Variants in ALG6 observed in about 807,000 individuals in gnomAD.
ALG6 encodes the protein dolichyl pyrophosphate Man9GlcNAc2 alpha-1,3-glucosyltransferase.
In ALG6, 46 loss-of-function variants were observed where a neutral mutation model predicts 66.6. The observed-to-expected ratio is 0.69, with a 90% CI of 0.55 to 0.88. The LOEUF (loss-of-function observed/expected upper bound fraction) is 0.88, where lower values mean the gene tolerates loss of function less well. Among genes scored for constraint, ALG6 ranks in the 40% least tolerant of loss-of-function variants. ALG6 has a pLI of 0.00. For synonymous variants in ALG6, 185 were observed against 203.7 expected (o/e 0.91, Z 0.78); for missense variants, 505 against 586.8 (o/e 0.86, Z 1.44).
At chr1:63,390,842 CTCTTCAT>C (rs1168677118) in intron 2 of ALG6, among the ~76,000 whole-genome samples, 4 of 152,232 alleles carry the variant, frequency 2.6e-5, no homozygotes, top group Non-Finnish European at 5.9e-5. Context: ...CACAGATTCT[CTCTTCAT>C]GCCATGCAGC....
At position 63,400,194 on chromosome 1, in the gene ALG6, CA is replaced by C. The variant is rs71577211; in HGVS notation, c.168-2047del. ...GGGCAACAAGAGCAAAACTCTGTCT[CA>C]AAAAAAAAAAAATATATATATATAT... On this transcript the variant is annotated intron_variant, in intron 3 of 14. Coordinates refer to ENST00000263440, the MANE Select transcript of ALG6 (RefSeq NM_013339.4). Among the ~76,000 whole-genome samples the C allele has an allele frequency of 9.2e-4, 18 of 19,516 alleles. 3 individuals carry two copies. The highest frequency in any genetic ancestry group is 2.2e-3 in the African/African-American group (6 of 2,694). 12.8% of individuals were successfully genotyped at this position (19,516 alleles called of 152,430 possible). A position where few individuals can be genotyped will look rare whatever the true frequency, so the allele number is the denominator to read the frequency against.
At chr1:63,381,533 A>C (rs1557580936) in intron 2 of ALG6, among the ~76,000 whole-genome samples, 1 of 152,052 alleles carries the variant, frequency 6.6e-6, no homozygotes, top group Non-Finnish European at 1.5e-5. Context: ...AGTCCCAGCT[A>C]CTGATAGTGG....
intron 2 of ALG6, among the ~76,000 whole-genome samples, chr1:63,380,399 A>G (rs1648265844): frequency 1.3e-5 from 2 of 152,210 alleles, no homozygotes; most frequent in South Asian, 4.1e-4. Context: ...AGAAGGGCTG[A>G]GGAAAGGTCC....
At chr1:63,397,449 T>C (rs1260049795) in intron 3 of ALG6, among the ~76,000 whole-genome samples, 1 of 152,100 alleles carries the variant, frequency 6.6e-6, no homozygotes, top group East Asian at 1.9e-4. Flanking sequence ...CCTCCCAAAG[T>C]GCTGGGATTA....
intron 11 of ALG6, among the ~76,000 whole-genome samples, chr1:63,418,484 G>A (rs1164544574): frequency 6.6e-6 from 1 of 152,086 alleles, no homozygotes; most frequent in African/African-American, 2.4e-5. Context: ...TGAAGTGGCT[G>A]CTGTAAAATG....
At chr1:63,391,400 A>AT (rs1648670316) in intron 2 of ALG6, among the ~76,000 whole-genome samples, 2 of 152,336 alleles carry the variant, frequency 1.3e-5, no homozygotes, top group South Asian at 4.1e-4. Context: ...GTATGAGTCA[A>AT]GAGTAGTAAA....
At chr1:63,400,347 A>T (rs1249130119) in intron 3 of ALG6, among the ~76,000 whole-genome samples, 2 of 112,344 alleles carry the variant, frequency 1.8e-5, no homozygotes, top group Non-Finnish European at 3.4e-5. Context: ...GTATATATAT[A>T]TGTATATATA....
intron 2 of ALG6, among the ~76,000 whole-genome samples, chr1:63,381,669 G>T (rs111626582): frequency 3.5e-5 from 2 of 57,334 alleles, no homozygotes; most frequent in South Asian, 6.8e-4. Context: ...AAGGAAGGGA[G>T]GGGAGGGGAG....
At chr1:63,431,115 G>C (rs571875523) in intron 14 of ALG6, among the ~76,000 whole-genome samples, 10 of 152,168 alleles carry the variant, frequency 6.6e-5, no homozygotes, top group African/African-American at 2.4e-4. Context: ...AATTGTCTTG[G>C]CACTCTTGTT....
At chr1:63,409,903 C>G (rs1644507928) in intron 7 of ALG6, among the ~76,000 whole-genome samples, 1 of 152,122 alleles carries the variant, frequency 6.6e-6, no homozygotes, top group Non-Finnish European at 1.5e-5. Context: ...TTCATTTCTT[C>G]AGAAAAATAT....
At chr1:63,401,997 A>G (rs1319980617) in intron 3 of ALG6, among the ~76,000 whole-genome samples, 1 of 152,014 alleles carries the variant, frequency 6.6e-6, no homozygotes, top group Non-Finnish European at 1.5e-5. Context: ...AAACAATCCT[A>G]TTCTTTTTGT....
Position 63,370,879 on chromosome 1 carries a change from T to C in ALG6, c.-99T>C. The C allele has an allele frequency of 1.2e-6, 1 of 806,674 alleles. No individual in the cohort carries two copies. 50.0% of individuals were successfully genotyped at this position (806,674 alleles called of 1,614,324 possible). On this transcript the variant is annotated 5_prime_UTR_variant, in exon 2 of 15. Transcript: ENST00000263440. ...GAATCGATAACATTTCAAGAAGTGA[T>C]AACATTTCTCTGAACAAGAAAAGAA...
chr1:63,434,621 T>A (rs915045288), intron 14 of ALG6, among the ~76,000 whole-genome samples: 10 of 152,320 alleles, frequency 6.6e-5, no homozygotes, highest in South Asian at 6.2e-4. Flanking sequence ...GCGATATTTT[T>A]AAAAACTCAT....
intron 2 of ALG6, among the ~76,000 whole-genome samples, chr1:63,372,294 A>C (rs1472346998): frequency 6.6e-6 from 1 of 152,180 alleles, no homozygotes; most frequent in Non-Finnish European, 1.5e-5. Flanking sequence ...GTCATAGGAA[A>C]AAGAGATAGG....
At chr1:63,434,070 A>G (rs1248175985) in intron 14 of ALG6, among the ~76,000 whole-genome samples, 3 of 152,186 alleles carry the variant, frequency 2.0e-5, no homozygotes, top group East Asian at 1.9e-4. Context: ...AAGAAATAAT[A>G]GGACCTAAGA....
At chr1:63,388,428 A>G (rs1570045046) in intron 2 of ALG6, among the ~76,000 whole-genome samples, 1 of 152,330 alleles carries the variant, frequency 6.6e-6, no homozygotes, top group African/African-American at 2.4e-5. Flanking sequence ...TGATTACTTA[A>G]TACTGATTGT....
chr1:63,402,913 G>A (rs1644472325), intron 4 of ALG6, among the ~76,000 whole-genome samples: 1 of 151,106 alleles, frequency 6.6e-6, no homozygotes, highest in Admixed American at 6.6e-5. Flanking sequence ...TGGCTAACAT[G>A]GTGAAACCCC....
chr1:63,394,562 G>C (rs543416042), intron 2 of ALG6, among the ~76,000 whole-genome samples: 3 of 151,990 alleles, frequency 2.0e-5, no homozygotes, highest in Admixed American at 1.3e-4. Flanking sequence ...GTAGAGATGG[G>C]GTTTCACCAT....
intron 14 of ALG6, among the ~76,000 whole-genome samples, chr1:63,435,959 T>A (rs914709888): frequency 6.6e-6 from 1 of 152,182 alleles, no homozygotes; most frequent in Non-Finnish European, 1.5e-5. Context: ...CAGCTTGGTA[T>A]TTAAGCCAGT....
Sources: gnomAD v4.1 joint callset for allele counts (sites outside exome capture counted in the v4.1 genomes callset) on GRCh38, gnomAD v4.1.1 for gene constraint, MANE v1.5 for transcripts, NCBI Gene and HGNC (gene_info 2026-07-23, HGNC 2026-07-21) for gene names.